The following DHX35 variants were observed in gnomAD, a reference collection of about 807,000 sequenced individuals.
DHX35 encodes probable ATP-dependent RNA helicase DHX35.
Under a neutral mutation model 99.6 loss-of-function variants are expected in DHX35, and 84 were observed. The observed-to-expected ratio is 0.84, with a 90% CI of 0.71 to 1.01. DHX35 has a LOEUF of 1.01. DHX35 is among the 50% of genes least tolerant of loss of function. The pLI is 0.00. For synonymous variants in DHX35, 331 were observed against 316.2 expected (o/e 1.05, Z -0.50); for missense variants, 852 against 888.5 (o/e 0.96, Z 0.52).
intron 18 of DHX35, 102 bp downstream of exon 18, chr20:39,025,461 C>T: frequency 7.1e-7 from 1 of 1,402,622 alleles, no homozygotes; most frequent in Non-Finnish European, 9.7e-7. Flanking sequence ...GTGTGGCGTG[C>T]TCTGTACCAA....
At chr20:38,962,588 G>C (rs2085849836) in intron 1 of DHX35, 181 bp downstream of exon 1, 1 of 706,228 alleles carries the variant, frequency 1.4e-6, no homozygotes, top group African/African-American at 1.8e-5. Context: ...GGGATTTGGG[G>C]GTGCTCCCCT....
chr20:39,000,961 C>T (rs1475678046), intron 8 of DHX35, among the ~76,000 whole-genome samples: 1 of 152,184 alleles, frequency 6.6e-6, no homozygotes, highest in African/African-American at 2.4e-5. Context: ...CTTAGGGTCA[C>T]ATTCCCCAAG....
chr20:38,980,967 A>C (rs2086162863), intron 3 of DHX35, among the ~76,000 whole-genome samples: 1 of 152,188 alleles, frequency 6.6e-6, no homozygotes, highest in African/African-American at 2.4e-5. Context: ...ACTTTGTAGA[A>C]TGTTCCTCAG....
intron 11 of DHX35, 118 bp downstream of exon 11, chr20:39,004,025 T>A (rs189181033): frequency 1.6e-4 from 188 of 1,151,268 alleles, no homozygotes; most frequent in Non-Finnish European, 2.3e-4. Context: ...TATTTCTGTG[T>A]AGTAGATCTA....
At chr20:38,964,291 CAG>C (rs915511506) in intron 1 of DHX35, among the ~76,000 whole-genome samples, 1 of 152,094 alleles carries the variant, frequency 6.6e-6, no homozygotes, top group Non-Finnish European at 1.5e-5. Flanking sequence ...GCCAAAATAA[CAG>C]AGCAGTGTGA....
chr20:38,983,770 T>A lies in DHX35; in HGVS notation c.339T>A (p.Ala113=), dbSNP rs1255080009. The stretch of plus-strand genomic sequence containing the variant: ...TGACCCAGCCTCGAAGAGTGGCTGC[T>A]GTTACAGTGAGTTTCTTTTTGTGTT... ...VGVTQPRRVA[A]VTVAGRVAEE... is the part of the protein sequence containing the mutation. The change falls in exon 4 of 22, where the codon GCT becomes GCA. Residue 113 remains alanine (A), a synonymous_variant. Coordinates refer to ENST00000252011, the MANE Select transcript of DHX35 (RefSeq NM_021931.4). The A allele has an allele frequency of 6.2e-7, 1 of 1,613,550 alleles. No homozygotes were observed. Among genetic ancestry groups the A allele is most frequent in the South Asian group, 1.1e-5 (1 of 90,998 alleles).
chr20:38,985,003 T>C (rs2086228606), intron 4 of DHX35, among the ~76,000 whole-genome samples: 1 of 152,208 alleles, frequency 6.6e-6, no homozygotes, highest in Non-Finnish European at 1.5e-5. Flanking sequence ...TCACTGCCTT[T>C]TGGCGTTGAG....
chr20:38,979,340 G>A (rs1281927704), intron 3 of DHX35, among the ~76,000 whole-genome samples: 1 of 151,874 alleles, frequency 6.6e-6, no homozygotes, highest in Non-Finnish European at 1.5e-5. Flanking sequence ...AATACTTATG[G>A]GGTTGCTGGC....
chr20:38,964,895 G>A (rs1380174410), intron 1 of DHX35, among the ~76,000 whole-genome samples: 1 of 152,244 alleles, frequency 6.6e-6, no homozygotes. Flanking sequence ...GGAGGTGCCT[G>A]TTGGAGAGAC....
At chr20:39,011,511 A>G (rs2086703024) in intron 13 of DHX35, among the ~76,000 whole-genome samples, 1 of 151,860 alleles carries the variant, frequency 6.6e-6, no homozygotes, top group African/African-American at 2.4e-5. Flanking sequence ...AATTTTTTAT[A>G]TTTTTAGTAG....
chr20:38,991,106 A>G (rs1790549940), intron 5 of DHX35, among the ~76,000 whole-genome samples: 1 of 152,208 alleles, frequency 6.6e-6, no homozygotes, highest in Admixed American at 6.5e-5. Context: ...ATTATCTTAC[A>G]CTTAGGGTGT....
intron 20 of DHX35, among the ~76,000 whole-genome samples, chr20:39,031,008 C>T (rs184085772): frequency 6.9e-4 from 105 of 152,204 alleles, no homozygotes; most frequent in African/African-American, 2.4e-3. Flanking sequence ...ACTAAAAATA[C>T]AAAAATTAGC....
intron 19 of DHX35, among the ~76,000 whole-genome samples, chr20:39,028,976 G>A (rs939631403): frequency 2.0e-5 from 3 of 152,136 alleles, no homozygotes; most frequent in African/African-American, 2.4e-5. Flanking sequence ...TACATAACCT[G>A]ATTCTTCCAG....
At chr20:38,976,274 A>C (rs1191465563) in intron 3 of DHX35, among the ~76,000 whole-genome samples, 1 of 152,166 alleles carries the variant, frequency 6.6e-6, no homozygotes, top group Non-Finnish European at 1.5e-5. Flanking sequence ...TCCTTTGTGC[A>C]GTTATAATCA....
intron 12 of DHX35, among the ~76,000 whole-genome samples, chr20:39,009,451 A>C (rs2086666335): frequency 6.6e-6 from 1 of 152,080 alleles, no homozygotes; most frequent in Admixed American, 6.6e-5. Flanking sequence ...TTATGATCTA[A>C]ATGGAAGTTG....
At chr20:39,002,047 G>A (rs929765756) in intron 9 of DHX35, among the ~76,000 whole-genome samples, 1 of 152,204 alleles carries the variant, frequency 6.6e-6, no homozygotes, top group South Asian at 2.1e-4. Flanking sequence ...GCAAGTTTCC[G>A]TAAGTCTGTG....
At chr20:38,963,802 A>C (rs1353104358) in intron 1 of DHX35, among the ~76,000 whole-genome samples, 2 of 152,216 alleles carry the variant, frequency 1.3e-5, no homozygotes, top group African/African-American at 4.8e-5. Context: ...CTCTCAAGTT[A>C]CTGTCTCTCT....
intron 13 of DHX35, among the ~76,000 whole-genome samples, chr20:39,012,258 G>A (rs952747318): frequency 3.3e-4 from 50 of 152,004 alleles, no homozygotes; most frequent in African/African-American, 1.2e-3. Context: ...TAAAAAAAAA[G>A]AAAAGATAAA....
intron 1 of DHX35, chr20:38,962,726 C>G (rs1037222958): frequency 2.7e-6 from 1 of 372,948 alleles, no homozygotes. Context: ...CCTCTCGTGT[C>G]TCGTTAGCGC....
Sources: gnomAD v4.1 joint callset for allele counts (sites outside exome capture counted in the v4.1 genomes callset) on GRCh38, gnomAD v4.1.1 for gene constraint, MANE v1.5 for transcripts, NCBI Gene and HGNC (gene_info 2026-07-23, HGNC 2026-07-21) for gene names.